Variants in HACD2 observed in about 807,000 individuals in gnomAD.
The protein encoded by HACD2 is 3-hydroxyacyl-CoA dehydratase 2.
HACD2 carries 15 observed loss-of-function variants against 31.0 expected under a neutral mutation model. The ratio of observed to expected loss-of-function variants is 0.48; its 90% CI spans 0.32 to 0.75. The LOEUF (loss-of-function observed/expected upper bound fraction) is 0.75. HACD2 is among the 30% of genes least tolerant of loss of function. The pLI is 0.03. For synonymous variants in HACD2, 115 were observed against 122.2 expected, an observed-to-expected ratio of 0.94 and a Z score of 0.39; for missense variants, 283 against 313.0, an observed-to-expected ratio of 0.90 and a Z score of 0.72.
intron 3 of HACD2, among the ~76,000 whole-genome samples, chr3:123,545,139 G>GT (rs377625410): frequency 0.14 from 18,802 of 132,314 alleles, 1,572 homozygotes; most frequent in African/African-American, 0.25. Context: ...GGTACTAGCT[G>GT]TTTTTTTTTT....
At chr3:123,500,441 C>T in intron 6 of HACD2, 74 bp downstream of exon 6, 1 of 915,486 alleles carries the variant, frequency 1.1e-6, no homozygotes, top group South Asian at 1.7e-5. Flanking sequence ...AGTGCAAAGA[C>T]AGTCAAAGAT....
At chr3:123,515,487 T>C (rs2056122827) in intron 4 of HACD2, among the ~76,000 whole-genome samples, 1 of 152,160 alleles carries the variant, frequency 6.6e-6, no homozygotes, top group Non-Finnish European at 1.5e-5. Flanking sequence ...CTGACTCAGC[T>C]GGAACAGCCT....
chr3:123,508,570 C>T (rs2056008174), intron 4 of HACD2, among the ~76,000 whole-genome samples: 1 of 152,178 alleles, frequency 6.6e-6, no homozygotes, highest in Non-Finnish European at 1.5e-5. Flanking sequence ...AAACCCTATT[C>T]TTCTTAGCAT....
Position 123,562,477 on chromosome 3 carries a change from A to G in HACD2, c.292+5285T>C, listed in dbSNP as rs375559719. Among the ~76,000 whole-genome samples the G allele has an allele frequency of 9.9e-5, 15 of 151,976 alleles. No individual in the cohort carries two copies. The East Asian group carries it at 1.5e-3, about 16-fold the overall frequency. The stretch of plus-strand genomic sequence containing the variant: ...GAATATGAAAGAGTTACATTTATAT[A>G]TATCTAAATATTGAACATTAGAGGA... On this transcript the variant is annotated intron_variant, in intron 3 of 6. Transcript: ENST00000383657.
At chr3:123,560,846 AATGTTTCTGTGCCCAGCCAC>A (rs1276979583) in intron 3 of HACD2, among the ~76,000 whole-genome samples, 8 of 152,132 alleles carry the variant, frequency 5.3e-5, no homozygotes, top group African/African-American at 1.9e-4. Context: ...ACAATGCAGT[AATGTTTCTGTGCCCAGCCAC>A]ACTGCTGAAG....
chr3:123,495,220 C>T (rs531548575), intron 6 of HACD2, among the ~76,000 whole-genome samples: 1 of 152,306 alleles, frequency 6.6e-6, no homozygotes, highest in Non-Finnish European at 1.5e-5. Context: ...ACTATCATGA[C>T]CTATATCGAT....
chr3:123,533,924 T>C (rs1289221330), intron 3 of HACD2, among the ~76,000 whole-genome samples: 1 of 152,226 alleles, frequency 6.6e-6, no homozygotes, highest in Non-Finnish European at 1.5e-5. Flanking sequence ...GTGCAAATCT[T>C]TGGCAAGGCA....
intron 3 of HACD2, among the ~76,000 whole-genome samples, chr3:123,547,268 T>C (rs1350969344): frequency 6.6e-6 from 1 of 152,238 alleles, no homozygotes; most frequent in Non-Finnish European, 1.5e-5. Context: ...ATAAGCATTA[T>C]ACTCTAACCA....
chr3:123,547,916 G>C (rs139173719), intron 3 of HACD2, among the ~76,000 whole-genome samples: 1 of 152,064 alleles, frequency 6.6e-6, no homozygotes, highest in East Asian at 1.9e-4. Flanking sequence ...CATACATGAG[G>C]GAACTGAGGT....
At chr3:123,578,752 A>G (rs1446337051) in intron 2 of HACD2, among the ~76,000 whole-genome samples, 1 of 152,250 alleles carries the variant, frequency 6.6e-6, no homozygotes, top group Non-Finnish European at 1.5e-5. Context: ...AACATTTAGC[A>G]TAAAGAGATA....
chr3:123,523,553 T>C (rs1202901755), intron 4 of HACD2, among the ~76,000 whole-genome samples: 2 of 152,184 alleles, frequency 1.3e-5, no homozygotes, highest in Non-Finnish European at 2.9e-5. Flanking sequence ...ACAAGGTAAA[T>C]GTTAAAGCCC....
chr3:123,551,604 C>T (rs2056621172), intron 3 of HACD2, among the ~76,000 whole-genome samples: 1 of 149,648 alleles, frequency 6.7e-6, no homozygotes, highest in African/African-American at 2.5e-5. Context: ...AGCCTGGTGA[C>T]AGAGTGAGAC....
chr3:123,554,218 G>A (rs2056649663), intron 3 of HACD2, among the ~76,000 whole-genome samples: 1 of 16,142 alleles, frequency 6.2e-5, no homozygotes, highest in Non-Finnish European at 1.5e-4. Context: ...GAGGAAAGTA[G>A]AATAAGCTCA....
intron 1 of HACD2, 90 bp downstream of exon 1, chr3:123,584,783 G>A (rs1320012921): frequency 5.6e-6 from 6 of 1,072,670 alleles, no homozygotes; most frequent in Admixed American, 4.1e-5. Flanking sequence ...GCCTGCGGCG[G>A]GCCGCGCCGA....
intron 3 of HACD2, among the ~76,000 whole-genome samples, chr3:123,536,638 T>C (rs2056429822): frequency 6.6e-6 from 1 of 152,166 alleles, no homozygotes; most frequent in African/African-American, 2.4e-5. Flanking sequence ...ACATAACAAC[T>C]GATAGTGAAT....
chr3:123,543,564 T>G, intron 3 of HACD2: 1 of 239,370 alleles, frequency 4.2e-6, no homozygotes, highest in East Asian at 1.2e-4. Flanking sequence ...GCTTTTGCAT[T>G]TTATACCATG....
rs2107672141 is a variant in HACD2, at chr3:123,491,852, C to A, written c.*3036G>T. The A allele has an allele frequency of 6.6e-6, 1 of 152,498 alleles. No homozygotes were observed. Among genetic ancestry groups the A allele is most frequent in the Admixed American group, 6.5e-5 (1 of 15,304 alleles). The allele number at this position is 152,498 out of a possible 1,614,324, so 9.4% of individuals were successfully genotyped here. On this transcript the variant is annotated 3_prime_UTR_variant, in exon 7 of 7. Coordinates refer to ENST00000383657, the MANE Select transcript of HACD2 (RefSeq NM_198402.5). ...ATTTTTTACCCAAATTTCAAAGGAG[C>A]AGTATGTATTGAATTTAATGTTTTA...
At chr3:123,536,127 C>A (rs2056422479) in intron 3 of HACD2, among the ~76,000 whole-genome samples, 1 of 152,044 alleles carries the variant, frequency 6.6e-6, no homozygotes, top group Non-Finnish European at 1.5e-5. Flanking sequence ...TAAAATTTAT[C>A]CTGAAGATCT....
chr3:123,535,122 C>T lies in HACD2; in HGVS notation c.293-6648G>A, dbSNP rs1267028691. ...AATGTCCTAGGCCTTCACATTCTCT[C>T]ACCACTCAATGATTCATCCAGAGCA... On this transcript the variant is annotated intron_variant, in intron 3 of 6. Coordinates refer to ENST00000383657, the MANE Select transcript of HACD2 (RefSeq NM_198402.5). 3.3e-5 allele frequency among the ~76,000 whole-genome samples: 5 copies of T among 152,306 alleles called. No homozygotes were observed. In the East Asian group the frequency reaches 5.8e-4, roughly 18 times the overall value.
Sources: allele counts gnomAD v4.1 joint callset (sites outside exome capture counted in the v4.1 genomes callset), GRCh38; gene constraint gnomAD v4.1.1; transcripts MANE v1.5; gene names NCBI Gene and HGNC (gene_info 2026-07-23, HGNC 2026-07-21).